The following CYP11A1 variants were observed in gnomAD, a reference collection of about 807,000 sequenced individuals.
The protein encoded by CYP11A1 is cytochrome P450 family 11 subfamily A member 1.
CYP11A1 carries 25 observed loss-of-function variants against 51.9 expected under a neutral mutation model. The observed-to-expected ratio is 0.48, with a 90% confidence interval of 0.35 to 0.67. The LOEUF is 0.67. CYP11A1 is among the 30% of genes least tolerant of loss of function. The pLI is 0.00. For missense variants in CYP11A1, 578 were observed against 680.9 expected (o/e 0.85, Z 1.68); for synonymous variants, 245 against 262.1 (o/e 0.93, Z 0.63).
At chr15:74,358,741 T>A (rs970794766) in intron 1 of CYP11A1, among the ~76,000 whole-genome samples, 1 of 152,226 alleles carries the variant, frequency 6.6e-6, no homozygotes. Context: ...CTGTCAGACA[T>A]AATTCCTCGG....
rs768914878 is a variant in CYP11A1, at chr15:74,343,820, A to G, written c.798T>C (p.His266=). 39 of 1,613,050 alleles carry G rather than the reference A, an allele frequency of 2.4e-5. No homozygotes were observed. The highest frequency in any genetic ancestry group is 3.1e-5 in the Non-Finnish European group (37 of 1,180,026). The part of the protein sequence containing the change: ...RLFRTKTWKD[H]VAAWDVIFSK... Reference sequence around the variant, plus strand: ...TGAAAATCACGTCCCATGCAGCCACATGGTCCTTCCAGGTCTTGGTCCTGA... The same window carrying G: ...TGAAAATCACGTCCCATGCAGCCACGTGGTCCTTCCAGGTCTTGGTCCTGA... The change falls in exon 4 of 9, where the codon CAT becomes CAC. Residue 266 remains histidine (H), a synonymous_variant. Coordinates refer to ENST00000268053, the MANE Select transcript of CYP11A1 (RefSeq NM_000781.3).
chr15:74,352,132 T>C (rs1306275720), intron 1 of CYP11A1, among the ~76,000 whole-genome samples: 1 of 152,204 alleles, frequency 6.6e-6, no homozygotes, highest in African/African-American at 2.4e-5. Flanking sequence ...TAAGCAATTT[T>C]CAAGTTCACG....
Position 74,339,745 on chromosome 15 carries a change from C to T in CYP11A1, c.999G>A (p.Met333Ile), listed in dbSNP as rs111361716. The T allele has an allele frequency of 3.0e-5, 49 of 1,614,166 alleles. 1 individual carries two copies. The African/African-American group carries it at 3.3e-4, about 11-fold the overall frequency. Residue 333 changes from methionine to isoleucine, a missense_variant, in exon 6 of 9, where the codon ATG becomes ATA. Met to Ile is a conservative substitution (Grantham distance 10). Transcript: ENST00000268053. ...TCTCATACAAGTGCCACTGCAGGGTCATGGACGTCTGGTGGGGAGTAGGGT... is the reference window on the plus strand; with the variant it reads ...TCTCATACAAGTGCCACTGCAGGGTTATGGACGTCTGGTGGGGAGTAGGGT... ...MLAGGVDTTSMTLQWHLYEMA... is the reference protein window; with the variant it reads ...MLAGGVDTTSITLQWHLYEMA...
chr15:74,344,008 G>A lies in CYP11A1; in HGVS notation c.626-16C>T. On this transcript the variant is annotated splice_polypyrimidine_tract_variant and intron_variant, in intron 3 of 8. Transcript: ENST00000268053. ...TTAGTGATGGCTGCAGGGAGAGGAA[G>A]AGGCTGAGGAGCCATTTCTGACGGG... is the stretch of plus-strand genomic sequence containing the variant. 6.2e-7 allele frequency: 1 copy of A among 1,612,604 alleles called. No homozygotes were observed. The highest frequency in any genetic ancestry group is 8.5e-7 in the Non-Finnish European group (1 of 1,178,946).
chr15:74,364,535 C>T (rs1374792944), intron 1 of CYP11A1: 2 of 152,168 alleles, frequency 1.3e-5, no homozygotes, highest in Non-Finnish European at 2.9e-5. Context: ...AATTCTGTAA[C>T]GGGACCTTTG....
At chr15:74,360,017 G>T (rs2060699972) in intron 1 of CYP11A1, among the ~76,000 whole-genome samples, 1 of 152,240 alleles carries the variant, frequency 6.6e-6, no homozygotes. Context: ...TTTAGCAATA[G>T]TTGGGAAATA....
At chr15:74,342,578 G>A (rs563022399) in intron 5 of CYP11A1, among the ~76,000 whole-genome samples, 1 of 152,242 alleles carries the variant, frequency 6.6e-6, no homozygotes, top group East Asian at 1.9e-4. Context: ...ATGTTTCCGG[G>A]CTCCTGCCTG....
intron 5 of CYP11A1, among the ~76,000 whole-genome samples, chr15:74,341,564 G>A (rs923178215): frequency 2.0e-5 from 3 of 151,968 alleles, no homozygotes; most frequent in Admixed American, 2.0e-4. Context: ...GTCCTTCATG[G>A]CCACATTAGC....
At chr15:74,355,634 T>A (rs2060675821) in intron 1 of CYP11A1, among the ~76,000 whole-genome samples, 1 of 152,070 alleles carries the variant, frequency 6.6e-6, no homozygotes, top group South Asian at 2.1e-4. Flanking sequence ...CACCCTATAA[T>A]CCTTCTATCA....
At chr15:74,344,065 C>A in intron 3 of CYP11A1, 73 bp from the exon 4 acceptor site, 1 of 1,268,444 alleles carries the variant, frequency 7.9e-7, no homozygotes, top group Non-Finnish European at 1.1e-6. Context: ...CCAGGGACTC[C>A]TCCACCCTCA....
Position 74,338,004 on chromosome 15 carries a change from A to G in CYP11A1, c.1534T>C (p.Trp512Arg). 6.2e-7 allele frequency: 1 copy of G among 1,614,174 alleles called. No homozygotes were observed. ...TGGGTTGCTTCCTGGTTAAAGGGCC[A>G]GAAGGTGAAGGAGATGGGCTTTTCA... ...MPEKPISFTF[W>R]PFNQEATQQ The change falls in exon 9 of 9, where the codon TGG becomes CGG. Residue 512 changes from tryptophan to arginine, a missense_variant. Transcript: ENST00000268053.
At chr15:74,352,567 T>C (rs188449317) in intron 1 of CYP11A1, among the ~76,000 whole-genome samples, 7 of 152,306 alleles carry the variant, frequency 4.6e-5, no homozygotes, top group Non-Finnish European at 7.4e-5. Context: ...CCACTAGATA[T>C]TCTTAAATGT....
intron 1 of CYP11A1, 25 bp from the exon 2 acceptor site, chr15:74,348,080 G>A (rs1177836615): frequency 5.6e-6 from 9 of 1,612,654 alleles, no homozygotes; most frequent in Middle Eastern, 3.3e-4. Context: ...GAGAGGGGCT[G>A]ATGGAAGGAT....
intron 1 of CYP11A1, among the ~76,000 whole-genome samples, chr15:74,360,246 C>T (rs1211866534): frequency 6.6e-6 from 1 of 152,082 alleles, no homozygotes; most frequent in African/African-American, 2.4e-5. Flanking sequence ...GTAGTCAAAC[C>T]TTATCAGAAA....
At chr15:74,346,794 T>C in intron 2 of CYP11A1, among the ~76,000 whole-genome samples, 1 of 150,210 alleles carries the variant, frequency 6.7e-6, no homozygotes, top group East Asian at 2.0e-4. Flanking sequence ...TTTTACCTTT[T>C]CTTTTCTTTT....
In CYP11A1 at chr15:74,367,308, C is replaced by T. The variant is rs770551462; in HGVS notation, c.269+9G>A. 19 of 1,614,094 alleles carry T rather than the reference C, an allele frequency of 1.2e-5. No individual in the cohort carries two copies. The highest frequency in any genetic ancestry group is 1.5e-5 in the Non-Finnish European group (18 of 1,180,048). ...TGTCCCTTCGGCTCCCACCCTCTGC[C>T]AGGCTTACCTGTAAATCGGGCCATA... is the stretch of plus-strand genomic sequence containing the variant. On this transcript the variant is annotated intron_variant, in intron 1 of 8. Transcript: ENST00000268053.
At chr15:74,357,814 G>T (rs1889593473) in intron 1 of CYP11A1, among the ~76,000 whole-genome samples, 1 of 152,184 alleles carries the variant, frequency 6.6e-6, no homozygotes, top group African/African-American at 2.4e-5. Context: ...AATACTTTTA[G>T]AGGCCCTCAA....
At chr15:74,351,716 T>A (rs1430847632) in intron 1 of CYP11A1, among the ~76,000 whole-genome samples, 1 of 152,218 alleles carries the variant, frequency 6.6e-6, no homozygotes. Flanking sequence ...TGCAATGCTG[T>A]TTGGCCCCAA....
At chr15:74,350,911 T>C (rs1397287378) in intron 1 of CYP11A1, 2 of 152,216 alleles carry the variant, frequency 1.3e-5, no homozygotes, top group African/African-American at 2.4e-5. Flanking sequence ...CGGTAACATG[T>C]ATTTTGGCCA....
Sources: allele counts gnomAD v4.1 joint callset (sites outside exome capture counted in the v4.1 genomes callset), GRCh38; gene constraint gnomAD v4.1.1; transcripts MANE v1.5; gene names NCBI Gene and HGNC (gene_info 2026-07-23, HGNC 2026-07-21).